GALNTL6: variants seen among roughly 807,000 people sequenced by gnomAD.
GALNTL6 encodes polypeptide N-acetylgalactosaminyltransferase-like 6.
In GALNTL6, 46 loss-of-function variants were observed where a neutral mutation model predicts 73.7. The observed-to-expected ratio is 0.62, with a 90% CI of 0.49 to 0.80. The LOEUF (loss-of-function observed/expected upper bound fraction) is 0.80. Ranked by LOEUF, GALNTL6 falls within the 30% of genes least tolerant of loss-of-function variation. The pLI is 0.00. For missense variants in GALNTL6, 604 were observed against 755.0 expected, an observed-to-expected ratio of 0.80 and a Z score of 2.34; for synonymous variants, 259 against 263.7, an observed-to-expected ratio of 0.98 and a Z score of 0.17.
At chr4:172,250,925 A>C (rs2111014209) in intron 3 of GALNTL6, among the ~76,000 whole-genome samples, 1 of 152,300 alleles carries the variant, frequency 6.6e-6, no homozygotes, top group South Asian at 2.1e-4. Flanking sequence ...ACACTGCACA[A>C]CTTAGTCAAT....
At chr4:172,887,490 G>A (rs1316572009) in intron 8 of GALNTL6, among the ~76,000 whole-genome samples, 3 of 151,724 alleles carry the variant, frequency 2.0e-5, no homozygotes, top group Admixed American at 6.6e-5. Flanking sequence ...CAGTGTATAA[G>A]TGTTCTTTTT....
At chr4:172,403,747 C>T (rs1744121192) in intron 5 of GALNTL6, among the ~76,000 whole-genome samples, 1 of 152,060 alleles carries the variant, frequency 6.6e-6, no homozygotes. Flanking sequence ...ATTTCCAAAG[C>T]AATGGATCTT....
At chr4:172,016,542 T>A (rs1741198009) in intron 2 of GALNTL6, among the ~76,000 whole-genome samples, 1 of 152,054 alleles carries the variant, frequency 6.6e-6, no homozygotes. Flanking sequence ...TGCTTACTAA[T>A]CAATAACCTT....
At chr4:172,767,608 G>A (rs1055284615) in intron 5 of GALNTL6, among the ~76,000 whole-genome samples, 11 of 150,964 alleles carry the variant, frequency 7.3e-5, no homozygotes, top group Non-Finnish European at 1.5e-4. Flanking sequence ...TAACATTCCC[G>A]TGAAGAAGAA....
At chr4:171,829,786 G>A (rs1734918021) in intron 2 of GALNTL6, among the ~76,000 whole-genome samples, 1 of 151,972 alleles carries the variant, frequency 6.6e-6, no homozygotes, top group African/African-American at 2.4e-5. Context: ...ACATACTAGT[G>A]GGTAGAATGG....
At chr4:172,605,531 G>A (rs1027191168) in intron 5 of GALNTL6, among the ~76,000 whole-genome samples, 2 of 151,988 alleles carry the variant, frequency 1.3e-5, no homozygotes, top group Non-Finnish European at 2.9e-5. Flanking sequence ...GAACAGTTTG[G>A]GGAGAAATAA....
At chr4:172,454,411 C>T (rs920844398) in intron 5 of GALNTL6, among the ~76,000 whole-genome samples, 1 of 152,198 alleles carries the variant, frequency 6.6e-6, no homozygotes. Context: ...GTCTCTGTTT[C>T]TCAAGTTGGT....
intron 2 of GALNTL6, among the ~76,000 whole-genome samples, chr4:171,894,121 A>G (rs1387761805): frequency 1.3e-5 from 2 of 152,214 alleles, no homozygotes; most frequent in African/African-American, 2.4e-5. Context: ...ATGTAGTATT[A>G]AGACTGTCAC....
At chr4:171,846,085 G>A (rs1735360559) in intron 2 of GALNTL6, among the ~76,000 whole-genome samples, 1 of 152,092 alleles carries the variant, frequency 6.6e-6, no homozygotes, top group Non-Finnish European at 1.5e-5. Flanking sequence ...TGACAGATAT[G>A]AGGTTCTAAA....
intron 5 of GALNTL6, among the ~76,000 whole-genome samples, chr4:172,778,245 A>G (rs1739178033): frequency 6.6e-6 from 1 of 152,232 alleles, no homozygotes; most frequent in African/African-American, 2.4e-5. Flanking sequence ...GTTTTAACAA[A>G]CTGCCAAGCA....
At chr4:172,814,783 T>C (rs1400985587) in intron 7 of GALNTL6, among the ~76,000 whole-genome samples, 1 of 152,138 alleles carries the variant, frequency 6.6e-6, no homozygotes, top group Non-Finnish European at 1.5e-5. Flanking sequence ...TTCTAGTCTT[T>C]AGAAAAATGA....
intron 10 of GALNTL6, among the ~76,000 whole-genome samples, chr4:172,963,644 C>CTG (rs1683526419): frequency 6.6e-6 from 1 of 152,178 alleles, no homozygotes; most frequent in African/African-American, 2.4e-5. Context: ...GCCCACACAC[C>CTG]TGTGTGTGTG....
At chr4:172,437,086 C>T (rs1262363258) in intron 5 of GALNTL6, among the ~76,000 whole-genome samples, 1 of 152,070 alleles carries the variant, frequency 6.6e-6, no homozygotes, top group African/African-American at 2.4e-5. Context: ...TTCAGTCCAC[C>T]CAACTACTTC....
At chr4:172,706,613 C>A (rs1193031119) in intron 5 of GALNTL6, among the ~76,000 whole-genome samples, 1 of 152,108 alleles carries the variant, frequency 6.6e-6, no homozygotes, top group Non-Finnish European at 1.5e-5. Flanking sequence ...TGCAGGTTGA[C>A]TGATGAGTTC....
At chr4:172,212,725 T>C (rs1736366320) in intron 2 of GALNTL6, among the ~76,000 whole-genome samples, 1 of 152,110 alleles carries the variant, frequency 6.6e-6, no homozygotes, top group African/African-American at 2.4e-5. Flanking sequence ...TAGAGTGCAA[T>C]GGCACCATCT....
In GALNTL6 at chr4:171,814,438, G is replaced by C. The variant is rs1379912748; in HGVS notation, c.-143G>C. 1 of 763,932 alleles carries C rather than the reference G, an allele frequency of 1.3e-6. No homozygotes were observed. Among genetic ancestry groups the C allele is most frequent in the African/African-American group, 1.8e-5 (1 of 56,656 alleles). 47.3% of individuals were successfully genotyped at this position (763,932 alleles called of 1,614,324 possible). A position where few individuals can be genotyped will look rare whatever the true frequency, so the allele number is the denominator to read the frequency against. The stretch of plus-strand genomic sequence containing the variant: ...TGGCCAACTCCCTCTGAATCCTGCA[G>C]ATTGGTGCTGAGCACGCAACAAAAG... On this transcript the variant is annotated 5_prime_UTR_variant, in exon 2 of 13. Transcript: ENST00000506823.
chr4:172,079,740 C>A (rs1731820409), intron 2 of GALNTL6, among the ~76,000 whole-genome samples: 1 of 151,834 alleles, frequency 6.6e-6, no homozygotes, highest in South Asian at 2.1e-4. Context: ...AAATGAATTT[C>A]TTATTTTTCT....
chr4:172,427,301 T>C (rs544443076), intron 5 of GALNTL6, among the ~76,000 whole-genome samples: 1 of 152,282 alleles, frequency 6.6e-6, no homozygotes, highest in East Asian at 1.9e-4. Flanking sequence ...ACATCTTACA[T>C]GGCAGCAGGC....
At chr4:173,025,188 G>T (rs2126523876) in intron 12 of GALNTL6, among the ~76,000 whole-genome samples, 1 of 152,328 alleles carries the variant, frequency 6.6e-6, no homozygotes, top group Non-Finnish European at 1.5e-5. Context: ...GCTATGTTCA[G>T]TTGAACAGCT....
Sources: allele counts gnomAD v4.1 joint callset (sites outside exome capture counted in the v4.1 genomes callset), GRCh38; gene constraint gnomAD v4.1.1; transcripts MANE v1.5; gene names NCBI Gene and HGNC (gene_info 2026-07-23, HGNC 2026-07-21).